Variants in PDE4B observed in about 807,000 individuals in gnomAD.
The protein encoded by PDE4B is phosphodiesterase 4B, also known as 3',5'-cyclic-AMP phosphodiesterase 4B.
Under a neutral mutation model 82.2 loss-of-function variants are expected in PDE4B, and 20 were observed. The observed-to-expected ratio is 0.24, with a 90% CI of 0.17 to 0.35. The LOEUF (loss-of-function observed/expected upper bound fraction) is 0.35, where lower values mean the gene tolerates loss of function less well. Among genes scored for constraint, PDE4B ranks in the 10% least tolerant of loss-of-function variants. The probability of loss-of-function intolerance (pLI) is 1.00; values close to 1 mark genes in which losing one functional copy is unlikely to be tolerated. For synonymous variants in PDE4B, 320 were observed against 318.9 expected, an observed-to-expected ratio of 1.00 and a Z score of -0.04; for missense variants, 655 against 907.2, an observed-to-expected ratio of 0.72 and a Z score of 3.57.
chr1:66,204,025 A>G (rs978031122), intron 3 of PDE4B, among the ~76,000 whole-genome samples: 4 of 152,022 alleles, frequency 2.6e-5, no homozygotes, highest in Admixed American at 2.6e-4. Flanking sequence ...ATGGGTTTTT[A>G]GTGTGGATGT....
intron 3 of PDE4B, among the ~76,000 whole-genome samples, chr1:66,000,918 A>G (rs1466459836): frequency 6.6e-6 from 1 of 152,192 alleles, no homozygotes; most frequent in Non-Finnish European, 1.5e-5. Context: ...GAGGGTGGTG[A>G]TGATCTGTTT....
intron 3 of PDE4B, among the ~76,000 whole-genome samples, chr1:66,016,069 T>C (rs1652759118): frequency 6.6e-6 from 1 of 152,192 alleles, no homozygotes; most frequent in Non-Finnish European, 1.5e-5. Context: ...AATTATTGAC[T>C]ATGTGACCTT....
chr1:66,032,173 G>A (rs1030322440), intron 3 of PDE4B, among the ~76,000 whole-genome samples: 1 of 152,156 alleles, frequency 6.6e-6, no homozygotes, highest in African/African-American at 2.4e-5. Context: ...TCATAAAACT[G>A]TTTTGAGGAT....
chr1:66,243,837 T>A (rs1235136907), intron 3 of PDE4B, among the ~76,000 whole-genome samples: 1 of 152,212 alleles, frequency 6.6e-6, no homozygotes, highest in Non-Finnish European at 1.5e-5. Flanking sequence ...CAGATCCAAG[T>A]GAGCAGGCAA....
intron 7 of PDE4B, among the ~76,000 whole-genome samples, chr1:66,329,100 C>G (rs558036096): frequency 6.6e-6 from 1 of 152,200 alleles, no homozygotes; most frequent in Admixed American, 6.5e-5. Context: ...GAGTAGCCAG[C>G]TGCTGGTGAG....
At chr1:66,174,785 A>G (rs1284071930) in intron 3 of PDE4B, among the ~76,000 whole-genome samples, 1 of 151,762 alleles carries the variant, frequency 6.6e-6, no homozygotes, top group East Asian at 1.9e-4. Flanking sequence ...AACAACAACA[A>G]CAACAACAAA....
chr1:66,304,636 G>A (rs1401686086), intron 7 of PDE4B, among the ~76,000 whole-genome samples: 1 of 152,010 alleles, frequency 6.6e-6, no homozygotes, highest in East Asian at 1.9e-4. Context: ...TGACATAGAG[G>A]GGTCATATCA....
In PDE4B at chr1:66,272,878, C is replaced by T. The variant is rs572528232; in HGVS notation, c.634+6791C>T. On this transcript the variant is annotated intron_variant, in intron 7 of 16. Coordinates refer to ENST00000341517, the MANE Select transcript of PDE4B (RefSeq NM_002600.4). ...CAATCTTGGCTCACTGCAACCTCAG[C>T]CTCCCGGGTTCAAGCGATTTTCCTG... Among the ~76,000 whole-genome samples, 16 of 145,978 alleles carry T rather than the reference C, an allele frequency of 1.1e-4. No homozygotes were observed. In the East Asian group the frequency reaches 3.2e-3, roughly 30 times the overall value.
chr1:66,246,532 A>G (rs767521305), intron 3 of PDE4B, among the ~76,000 whole-genome samples: 19 of 152,198 alleles, frequency 1.2e-4, no homozygotes, highest in Non-Finnish European at 2.5e-4. Context: ...ATTACTGTCA[A>G]TTTGAGGCTA....
chr1:66,038,426 T>C (rs1570053053), intron 3 of PDE4B, among the ~76,000 whole-genome samples: 1 of 152,114 alleles, frequency 6.6e-6, no homozygotes, highest in South Asian at 2.1e-4. Context: ...TGAAATGATA[T>C]TGAATTAAAT....
intron 8 of PDE4B, among the ~76,000 whole-genome samples, chr1:66,333,944 A>G (rs778960190): frequency 1.3e-5 from 2 of 152,200 alleles, no homozygotes; most frequent in Non-Finnish European, 2.9e-5. Context: ...GAAGTTCTCA[A>G]TTGAAGGTTA....
At chr1:66,314,472 G>C (rs1210651723) in intron 7 of PDE4B, among the ~76,000 whole-genome samples, 4 of 152,136 alleles carry the variant, frequency 2.6e-5, no homozygotes, top group African/African-American at 9.7e-5. Context: ...GAGTACAGTG[G>C]CGTGATCTCG....
At chr1:66,138,758 G>T (rs1048795027) in intron 3 of PDE4B, among the ~76,000 whole-genome samples, 1 of 152,138 alleles carries the variant, frequency 6.6e-6, no homozygotes, top group African/African-American at 2.4e-5. Flanking sequence ...TAAAACTTTA[G>T]ACCTTTATAT....
intron 3 of PDE4B, among the ~76,000 whole-genome samples, chr1:65,952,811 A>T (rs1447142147): frequency 6.6e-6 from 1 of 152,178 alleles, no homozygotes; most frequent in Non-Finnish European, 1.5e-5. Flanking sequence ...TGATGGTAAT[A>T]GTAATATCTA....
chr1:65,958,875 CTT>C (rs1649404991), intron 3 of PDE4B, among the ~76,000 whole-genome samples: 1 of 152,116 alleles, frequency 6.6e-6, no homozygotes, highest in Non-Finnish European at 1.5e-5. Flanking sequence ...GTAGTTATGA[CTT>C]ATATAGTTAT....
rs74420324 is a variant in PDE4B at position 65,796,316 on chromosome 1, C to A, written c.-71+3068C>A. ...CTTCAAACACAAAAGTGTTTCAGCC[C>A]CACTCTCTTTCTTATCTGCTTCTGT... On this transcript the variant is annotated intron_variant, in intron 1 of 16. Coordinates refer to ENST00000341517, the MANE Select transcript of PDE4B (RefSeq NM_002600.4). 4.3e-4 allele frequency among the ~76,000 whole-genome samples: 65 copies of A among 152,250 alleles called. 1 individual carries two copies. In the East Asian group the frequency reaches 0.012, roughly 28 times the overall value.
At chr1:65,804,995 C>T (rs993337842) in intron 1 of PDE4B, among the ~76,000 whole-genome samples, 1 of 151,448 alleles carries the variant, frequency 6.6e-6, no homozygotes, top group Non-Finnish European at 1.5e-5. Flanking sequence ...GACTGAATCT[C>T]ACTCTGTCTT....
intron 3 of PDE4B, among the ~76,000 whole-genome samples, chr1:66,157,653 T>TTA (rs1285305416): frequency 6.6e-6 from 1 of 152,188 alleles, no homozygotes; most frequent in Non-Finnish European, 1.5e-5. Flanking sequence ...CCTTATTCCC[T>TTA]TACTGGTCAA....
chr1:65,929,825 G>T (rs1250153137), intron 3 of PDE4B, among the ~76,000 whole-genome samples: 1 of 152,126 alleles, frequency 6.6e-6, no homozygotes, highest in Non-Finnish European at 1.5e-5. Flanking sequence ...AACAATCCAT[G>T]CCAAGGACTA....
Sources: gnomAD v4.1 joint callset for allele counts (sites outside exome capture counted in the v4.1 genomes callset) on GRCh38, gnomAD v4.1.1 for gene constraint, MANE v1.5 for transcripts, NCBI Gene and HGNC (gene_info 2026-07-23, HGNC 2026-07-21) for gene names.